SLC35D4: variants seen among roughly 807,000 people sequenced by gnomAD.
SLC35D4 encodes the protein UDP-N-acetylglucosamine transporter SLC35D4.
chr18:23,303,042 G>T, the SLC35D4 span, among the ~76,000 whole-genome samples: 6 of 152,252 alleles, frequency 3.9e-5, no homozygotes, highest in Non-Finnish European at 5.9e-5. Flanking sequence ...TAGGCCTGCA[G>T]CCTCTGCCCT....
chr18:23,374,634 C>T, the SLC35D4 span, among the ~76,000 whole-genome samples: 2 of 152,086 alleles, frequency 1.3e-5, no homozygotes, highest in African/African-American at 4.8e-5. Context: ...TACAGGCATG[C>T]ACCACCTCAC....
At chr18:23,333,693 C>A in the SLC35D4 span, among the ~76,000 whole-genome samples, 135 of 152,330 alleles carry the variant, frequency 8.9e-4, 3 homozygotes, top group African/African-American at 3.0e-3. Flanking sequence ...AGATAACAAA[C>A]CCTCCCTTTC....
the SLC35D4 span, among the ~76,000 whole-genome samples, chr18:23,396,923 T>A: frequency 1.3e-5 from 2 of 151,158 alleles, no homozygotes; most frequent in African/African-American, 4.9e-5. Context: ...GATCTCTTCA[T>A]GGACAGGTAA....
chr18:23,261,655 T>C, the SLC35D4 span, among the ~76,000 whole-genome samples: 1 of 152,132 alleles, frequency 6.6e-6, no homozygotes, highest in African/African-American at 2.4e-5. Flanking sequence ...CTACTAAACA[T>C]CACAGCTTAA....
At chr18:23,286,763 A>G in the SLC35D4 span, among the ~76,000 whole-genome samples, 29 of 150,732 alleles carry the variant, frequency 1.9e-4, no homozygotes, top group Non-Finnish European at 4.0e-4. Context: ...CTTAGACAAT[A>G]CTCTTTTAAG....
At chr18:23,421,233 C>T in the SLC35D4 span, 3 of 765,920 alleles carry the variant, frequency 3.9e-6, no homozygotes, top group Admixed American at 5.6e-5. Context: ...GACAGTGAGA[C>T]TCTGTCTCAA....
At chr18:23,245,881 A>AC in the SLC35D4 span, among the ~76,000 whole-genome samples, 2 of 152,092 alleles carry the variant, frequency 1.3e-5, no homozygotes, top group Non-Finnish European at 2.9e-5. Flanking sequence ...CAGGGTTAGA[A>AC]CCCCCCATCC....
the SLC35D4 span, among the ~76,000 whole-genome samples, chr18:23,300,338 T>C: frequency 2.0e-5 from 3 of 152,308 alleles, no homozygotes; most frequent in Admixed American, 6.5e-5. Flanking sequence ...ATGCAAGGGC[T>C]GCACGGAGCT....
the SLC35D4 span, among the ~76,000 whole-genome samples, chr18:23,274,765 C>T: frequency 5.9e-5 from 9 of 152,348 alleles, no homozygotes; most frequent in African/African-American, 2.2e-4. Context: ...AAAGCCCCAT[C>T]TCCCTCTCAG....
chr18:23,431,945 T>C, the SLC35D4 span, among the ~76,000 whole-genome samples: 4 of 152,200 alleles, frequency 2.6e-5, no homozygotes, highest in African/African-American at 9.7e-5. Flanking sequence ...CAAGTTTATA[T>C]ATCTACTTTT....
chr18:23,417,485 A>G, the SLC35D4 span, among the ~76,000 whole-genome samples: 2 of 152,214 alleles, frequency 1.3e-5, no homozygotes, highest in Non-Finnish European at 2.9e-5. Context: ...TCATAGACAA[A>G]GAAAGCAGAA....
the SLC35D4 span, among the ~76,000 whole-genome samples, chr18:23,374,257 T>A: frequency 1.7e-4 from 26 of 152,198 alleles, no homozygotes; most frequent in Non-Finnish European, 3.5e-4. Flanking sequence ...AGATCCACAT[T>A]GTGTGCCTCT....
the SLC35D4 span, among the ~76,000 whole-genome samples, chr18:23,275,070 G>T: frequency 4.4e-5 from 6 of 136,534 alleles, no homozygotes; most frequent in East Asian, 1.2e-3. Context: ...AGGTGTGCTT[G>T]TGTGTGTGTG....
the SLC35D4 span, among the ~76,000 whole-genome samples, chr18:23,331,908 T>C: frequency 8.1e-6 from 1 of 122,762 alleles, no homozygotes; most frequent in Admixed American, 1.1e-4. Context: ...TTTTTTGAGA[T>C]AGAGTCTTGC....
the SLC35D4 span, chr18:23,371,400 T>C: frequency 3.9e-6 from 6 of 1,555,614 alleles, no homozygotes; most frequent in Non-Finnish European, 5.2e-6. Context: ...CAGCCTTACA[T>C]AATAATTCTT....
chr18:23,410,608 G>A, the SLC35D4 span, among the ~76,000 whole-genome samples: 2 of 151,836 alleles, frequency 1.3e-5, no homozygotes, highest in Non-Finnish European at 2.9e-5. Context: ...AGTTCAAGAC[G>A]AGCCTAGACA....
chr18:23,436,833 G>T, the SLC35D4 span, among the ~76,000 whole-genome samples: 4 of 152,128 alleles, frequency 2.6e-5, no homozygotes, highest in African/African-American at 9.7e-5. Flanking sequence ...AGGAAAGGGG[G>T]TTGGGGAGCA....
chr18:23,361,475 G>A, the SLC35D4 span, among the ~76,000 whole-genome samples: 1 of 152,190 alleles, frequency 6.6e-6, no homozygotes, highest in African/African-American at 2.4e-5. Flanking sequence ...TTACAGCAAG[G>A]GAGCCCACAG....
At chr18:23,247,125 C>G in the SLC35D4 span, among the ~76,000 whole-genome samples, 3 of 152,242 alleles carry the variant, frequency 2.0e-5, no homozygotes, top group African/African-American at 7.2e-5. Flanking sequence ...GCTCAATCTC[C>G]TAGTACAGCC....
Sources: gnomAD v4.1 joint callset for allele counts (sites outside exome capture counted in the v4.1 genomes callset) on GRCh38, gnomAD v4.1.1 for gene constraint, MANE v1.5 for transcripts, NCBI Gene and HGNC (gene_info 2026-07-23, HGNC 2026-07-21) for gene names.